ACSS1: variants seen among roughly 807,000 people sequenced by gnomAD.
ACSS1 encodes acyl-CoA synthetase short chain family member 1.
ACSS1 carries 42 observed loss-of-function variants against 75.3 expected under a neutral mutation model. That is an observed-to-expected ratio of 0.56 (90% CI 0.44 to 0.72). The LOEUF (loss-of-function observed/expected upper bound fraction) is 0.72, where lower values mean the gene tolerates loss of function less well. ACSS1 is among the 30% of genes least tolerant of loss of function. The probability of loss-of-function intolerance (pLI) is 0.00; values close to 1 mark genes in which losing one functional copy is unlikely to be tolerated. For missense variants in ACSS1, 782 were observed against 935.7 expected, an observed-to-expected ratio of 0.84 and a Z score of 2.14; for synonymous variants, 380 against 376.8, an observed-to-expected ratio of 1.01 and a Z score of -0.10.
intron 1 of ACSS1, 102 bp from the exon 2 acceptor site, chr20:25,048,283 T>C: frequency 1.1e-6 from 1 of 918,724 alleles, no homozygotes; most frequent in Admixed American, 2.1e-5. Flanking sequence ...TGTGGCTCTC[T>C]CTTCTTCCAC....
At chr20:25,008,081 C>G (rs1208326889) in intron 13 of ACSS1, 140 bp from the exon 14 acceptor site, 2 of 1,150,488 alleles carry the variant, frequency 1.7e-6, no homozygotes, top group Non-Finnish European at 2.4e-6. Context: ...AGCCTCCACC[C>G]CAGAGAACGG....
In ACSS1 at chr20:25,006,645, A is replaced by T; in HGVS notation, c.*1117T>A. 1 of 658,202 alleles carries T rather than the reference A, an allele frequency of 1.5e-6. No homozygotes were observed. Among genetic ancestry groups the T allele is most frequent in the Non-Finnish European group, 2.4e-6 (1 of 409,248 alleles). 40.8% of individuals were successfully genotyped at this position (658,202 alleles called of 1,614,324 possible). A position where few individuals can be genotyped will look rare whatever the true frequency, so the allele number is the denominator to read the frequency against. ...CTCACTGGGCCTCCTTCCCCTGCCA[A>T]CCGCCAGCCCCTGCATGCCTAGCAG... On this transcript the variant is annotated 3_prime_UTR_variant, in exon 14 of 14. Transcript: ENST00000323482.
At chr20:25,054,124 A>G (rs8123929) in intron 1 of ACSS1, among the ~76,000 whole-genome samples, 10,468 of 152,336 alleles carry the variant, frequency 0.069, 1,224 homozygotes, top group African/African-American at 0.24. Flanking sequence ...TACCCTGCCC[A>G]GTGAGTCTCA....
chr20:25,006,916 T>C lies in ACSS1; in HGVS notation c.*846A>G. 2.0e-6 allele frequency: 3 copies of C among 1,535,430 alleles called. No homozygotes were observed. The highest frequency in any genetic ancestry group is 2.6e-6 in the Non-Finnish European group (3 of 1,146,712). On this transcript the variant is annotated 3_prime_UTR_variant, in exon 14 of 14. Coordinates refer to ENST00000323482, the MANE Select transcript of ACSS1 (RefSeq NM_032501.4). ...ATAGCTTCCCTGAAGAACCCAACTA[T>C]TTGGAGTATGTTGCCTCTCCTATCA...
chr20:25,017,987 T>C (rs1414034388), intron 7 of ACSS1, among the ~76,000 whole-genome samples: 1 of 152,218 alleles, frequency 6.6e-6, no homozygotes, highest in African/African-American at 2.4e-5. Context: ...AAGCACTACA[T>C]GGCCCAGGCA....
intron 1 of ACSS1, among the ~76,000 whole-genome samples, chr20:25,056,450 C>T (rs1000663049): frequency 2.6e-5 from 4 of 152,106 alleles, no homozygotes; most frequent in Admixed American, 2.0e-4. Flanking sequence ...TATACAATTT[C>T]GGGGAGTGGG....
chr20:25,016,173 G>A (rs2088512416), intron 7 of ACSS1, among the ~76,000 whole-genome samples: 1 of 152,192 alleles, frequency 6.6e-6, no homozygotes, highest in African/African-American at 2.4e-5. Flanking sequence ...GGGCAAGGGA[G>A]GGGTGTGCTG....
At chr20:25,032,712 G>A in intron 2 of ACSS1, 1 of 1,161,668 alleles carries the variant, frequency 8.6e-7, no homozygotes, top group Non-Finnish European at 1.1e-6. Flanking sequence ...GGGCTCCCGA[G>A]AACAGTGAAG....
chr20:25,043,824 A>G (rs1355655767), intron 2 of ACSS1, among the ~76,000 whole-genome samples: 1 of 152,162 alleles, frequency 6.6e-6, no homozygotes, highest in East Asian at 1.9e-4. Flanking sequence ...GGGCCATTGA[A>G]TCCCTCCTTT....
intron 1 of ACSS1, 125 bp from the exon 2 acceptor site, chr20:25,048,306 T>A: frequency 1.4e-6 from 1 of 719,080 alleles, no homozygotes. Context: ...ACAGAGACCC[T>A]GTCCTCATCA....
intron 6 of ACSS1, 121 bp downstream of exon 6, chr20:25,021,268 G>C: frequency 1.5e-6 from 2 of 1,317,414 alleles, no homozygotes; most frequent in East Asian, 5.0e-5. Flanking sequence ...AGGACCTGGA[G>C]AGCCACACCC....
At chr20:25,013,830 C>T (rs2088465882) in intron 9 of ACSS1, 131 bp downstream of exon 9, 2 of 1,320,132 alleles carry the variant, frequency 1.5e-6, no homozygotes, top group Non-Finnish European at 2.1e-6. Flanking sequence ...ATACCAGCTG[C>T]AGTGAACGCT....
intron 2 of ACSS1, chr20:25,046,845 T>C (rs549886073): frequency 1.3e-6 from 1 of 779,746 alleles, no homozygotes; most frequent in South Asian, 1.3e-5. Context: ...TGCTGGCCTA[T>C]GGGCCACACG....
At chr20:25,011,228 A>T (rs1471483314) in intron 12 of ACSS1, 1 of 152,264 alleles carries the variant, frequency 6.6e-6, no homozygotes, top group African/African-American at 2.4e-5. Flanking sequence ...CACCCTATGA[A>T]AGACAGTGAT....
At position 25,058,023 on chromosome 20, in the gene ACSS1, G is replaced by A. The variant is rs1369032251; in HGVS notation, c.80C>T (p.Pro27Leu). The A allele has an allele frequency of 5.0e-5, 69 of 1,387,516 alleles. No homozygotes were observed. Among genetic ancestry groups the A allele is most frequent in the Non-Finnish European group, 6.3e-5 (68 of 1,077,950 alleles). 86.0% of individuals were successfully genotyped at this position (1,387,516 alleles called of 1,614,324 possible). A position where few individuals can be genotyped will look rare whatever the true frequency, so the allele number is the denominator to read the frequency against. ...LRGLSGQPAR[P>L]PCGVSAPRRA... Reference sequence around the variant, plus strand: ...GCGCGGCGCGCTCACCCCGCACGGCGGCCGCGCGGGCTGCCCCGAGAGCCC... The same window carrying A: ...GCGCGGCGCGCTCACCCCGCACGGCAGCCGCGCGGGCTGCCCCGAGAGCCC... The change falls in exon 1 of 14, where the codon CCG becomes CTG. Residue 27 changes from proline to leucine, a missense_variant. Coordinates refer to ENST00000323482, the MANE Select transcript of ACSS1 (RefSeq NM_032501.4).
intron 9 of ACSS1, 144 bp downstream of exon 9, chr20:25,013,817 A>T: frequency 7.5e-7 from 1 of 1,324,864 alleles, no homozygotes; most frequent in Non-Finnish European, 1.0e-6. Flanking sequence ...TACCCAGTGC[A>T]TGATACCAGC....
At chr20:25,041,100 T>C (rs920522730) in intron 2 of ACSS1, among the ~76,000 whole-genome samples, 15 of 151,852 alleles carry the variant, frequency 9.9e-5, no homozygotes, top group Middle Eastern at 3.4e-3. Context: ...CTATTAAAAA[T>C]ACAAAAAATT....
intron 2 of ACSS1, among the ~76,000 whole-genome samples, chr20:25,041,476 C>T (rs1441198748): frequency 6.6e-6 from 1 of 152,210 alleles, no homozygotes; most frequent in Non-Finnish European, 1.5e-5. Context: ...CACAGACTCT[C>T]CATGGCAGCC....
At chr20:25,030,643 TTGTC>T (rs2088805357) in intron 3 of ACSS1, 112 bp downstream of exon 3, 4 of 1,201,612 alleles carry the variant, frequency 3.3e-6, no homozygotes, top group Admixed American at 2.3e-5. Flanking sequence ...GATCTGTCAT[TTGTC>T]TGTGTGACAT....
Sources: gnomAD v4.1 joint callset for allele counts (sites outside exome capture counted in the v4.1 genomes callset) on GRCh38, gnomAD v4.1.1 for gene constraint, MANE v1.5 for transcripts, NCBI Gene and HGNC (gene_info 2026-07-23, HGNC 2026-07-21) for gene names.